Variants in OPCML observed in about 807,000 individuals in gnomAD.
OPCML encodes opioid binding protein/cell adhesion molecule like, also known as opioid-binding protein/cell adhesion molecule.
OPCML carries 13 observed loss-of-function variants against 37.8 expected under a neutral mutation model. That is an observed-to-expected ratio of 0.34 (90% CI 0.22 to 0.55). OPCML has a LOEUF of 0.55. Among genes scored for constraint, OPCML ranks in the 20% least tolerant of loss-of-function variants. OPCML has a pLI of 0.91. For missense variants in OPCML, 341 were observed against 435.6 expected, an observed-to-expected ratio of 0.78 and a Z score of 1.93; for synonymous variants, 176 against 168.8, an observed-to-expected ratio of 1.04 and a Z score of -0.33.
At chr11:132,963,204 A>G (rs887383783) in intron 1 of OPCML, among the ~76,000 whole-genome samples, 16 of 152,022 alleles carry the variant, frequency 1.1e-4, no homozygotes, top group Non-Finnish European at 1.6e-4. Context: ...TAACGCTAAC[A>G]TCTCCCATGT....
At chr11:132,750,495 A>G (rs1003915494) in intron 2 of OPCML, among the ~76,000 whole-genome samples, 1 of 152,170 alleles carries the variant, frequency 6.6e-6, no homozygotes, top group Admixed American at 6.5e-5. Context: ...CTTGGTAGGT[A>G]TGGTGGCATG....
intron 3 of OPCML, among the ~76,000 whole-genome samples, chr11:132,538,604 C>T (rs955251459): frequency 5.9e-5 from 9 of 152,116 alleles, no homozygotes; most frequent in Admixed American, 1.3e-4. Flanking sequence ...TCAATCACGG[C>T]CAATCATCTC....
intron 1 of OPCML, chr11:133,421,389 G>A: frequency 1.0e-6 from 1 of 985,420 alleles, no homozygotes; most frequent in Non-Finnish European, 1.2e-6. Flanking sequence ...TCGGAGACCA[G>A]AAGAAGAGAA....
intron 2 of OPCML, among the ~76,000 whole-genome samples, chr11:132,690,506 C>T (rs549641247): frequency 0.017 from 2,630 of 152,256 alleles, 67 homozygotes; most frequent in African/African-American, 0.06. Flanking sequence ...TGAGAGAGTT[C>T]ACTGCATGAA....
intron 2 of OPCML, among the ~76,000 whole-genome samples, chr11:132,901,282 C>A (rs935919883): frequency 1.3e-5 from 2 of 152,128 alleles, no homozygotes; most frequent in Non-Finnish European, 2.9e-5. Context: ...GCCTCACATC[C>A]AGGACAAGCT....
chr11:133,531,280 A>T (rs79174599), intron 1 of OPCML, among the ~76,000 whole-genome samples: 3,107 of 152,288 alleles, frequency 0.02, 120 homozygotes, highest in African/African-American at 0.07. Context: ...TCAATTTTGC[A>T]ACGCTTCTGC....
chr11:133,045,307 C>T (rs767953191), intron 1 of OPCML, among the ~76,000 whole-genome samples: 25 of 152,342 alleles, frequency 1.6e-4, no homozygotes, highest in Non-Finnish European at 2.6e-4. Flanking sequence ...CAGGGAACCA[C>T]GTTCTCAGGG....
At chr11:133,436,853 C>T (rs890952359) in intron 1 of OPCML, among the ~76,000 whole-genome samples, 2 of 152,184 alleles carry the variant, frequency 1.3e-5, no homozygotes, top group South Asian at 2.1e-4. Context: ...ACCTTTCGGT[C>T]CTTAGGACTC....
At chr11:133,387,037 A>C (rs1196826183) in intron 1 of OPCML, among the ~76,000 whole-genome samples, 1 of 151,984 alleles carries the variant, frequency 6.6e-6, no homozygotes, top group South Asian at 2.1e-4. Context: ...GCTGCCCCCA[A>C]CTCCGGTATT....
At chr11:132,805,947 A>C (rs1441438018) in intron 2 of OPCML, among the ~76,000 whole-genome samples, 1 of 152,178 alleles carries the variant, frequency 6.6e-6, no homozygotes, top group Non-Finnish European at 1.5e-5. Context: ...AACATATGAA[A>C]ATGCAAATTA....
intron 1 of OPCML, among the ~76,000 whole-genome samples, chr11:133,455,802 A>G (rs186960986): frequency 1.3e-5 from 2 of 152,288 alleles, no homozygotes; most frequent in Admixed American, 6.5e-5. Flanking sequence ...CTAGTCAAAG[A>G]TCTGCAGCCA....
chr11:132,905,399 T>G (rs1314421042), intron 2 of OPCML, among the ~76,000 whole-genome samples: 1 of 151,894 alleles, frequency 6.6e-6, no homozygotes, highest in African/African-American at 2.4e-5. Context: ...GTCCGGCTAA[T>G]TTTTTGTATT....
At chr11:133,078,307 G>A (rs150855254) in intron 1 of OPCML, among the ~76,000 whole-genome samples, 1 of 152,152 alleles carries the variant, frequency 6.6e-6, no homozygotes, top group Non-Finnish European at 1.5e-5. Flanking sequence ...ACCCAACACA[G>A]TATCACCTAC....
chr11:132,593,943 T>C (rs933288743), intron 3 of OPCML, among the ~76,000 whole-genome samples: 1 of 152,218 alleles, frequency 6.6e-6, no homozygotes, highest in Non-Finnish European at 1.5e-5. Context: ...TGTGTAAACA[T>C]ACTGTCTCAG....
At chr11:132,590,057 CT>C in intron 3 of OPCML, among the ~76,000 whole-genome samples, 1 of 152,268 alleles carries the variant, frequency 6.6e-6, no homozygotes, top group Non-Finnish European at 1.5e-5. Flanking sequence ...CAATGCAGAT[CT>C]TTTAATGACC....
At chr11:133,484,511 C>G (rs1366332494) in intron 1 of OPCML, among the ~76,000 whole-genome samples, 26 of 151,822 alleles carry the variant, frequency 1.7e-4, no homozygotes, top group Non-Finnish European at 4.4e-5. Flanking sequence ...GATATGTTGC[C>G]AAAGAACAGA....
intron 1 of OPCML, among the ~76,000 whole-genome samples, chr11:132,976,292 G>T (rs924519318): frequency 3.9e-5 from 6 of 152,192 alleles, no homozygotes; most frequent in Non-Finnish European, 8.8e-5. Flanking sequence ...ATCGAATGAG[G>T]TGGGGGGAGG....
intron 2 of OPCML, among the ~76,000 whole-genome samples, chr11:132,797,318 A>C (rs1938384033): frequency 6.6e-6 from 1 of 152,230 alleles, no homozygotes; most frequent in Non-Finnish European, 1.5e-5. Context: ...CATTATTTGC[A>C]TGTGCATATC....
intron 2 of OPCML, among the ~76,000 whole-genome samples, chr11:132,792,214 C>T (rs1488561941): frequency 2.6e-5 from 4 of 151,876 alleles, no homozygotes; most frequent in African/African-American, 2.4e-5. Flanking sequence ...CATTGTTTTA[C>T]GGAGAGAGAC....
Sources: gnomAD v4.1 joint callset for allele counts (sites outside exome capture counted in the v4.1 genomes callset) on GRCh38, gnomAD v4.1.1 for gene constraint, MANE v1.5 for transcripts, NCBI Gene and HGNC (gene_info 2026-07-23, HGNC 2026-07-21) for gene names.